Variants in PPM1H observed in about 807,000 individuals in gnomAD.
PPM1H encodes the protein protein phosphatase, Mg2+/Mn2+ dependent 1H.
In PPM1H, 27 loss-of-function variants were observed where a neutral mutation model predicts 54.9. That is an observed-to-expected ratio of 0.49 (90% CI 0.36 to 0.68). The LOEUF is 0.68. PPM1H is among the 30% of genes least tolerant of loss of function. PPM1H has a pLI of 0.00. For synonymous variants in PPM1H, 305 were observed against 270.8 expected, an observed-to-expected ratio of 1.13 and a Z score of -1.24; for missense variants, 596 against 667.8, an observed-to-expected ratio of 0.89 and a Z score of 1.19.
intron 8 of PPM1H, 106 bp from the exon 9 acceptor site, chr12:62,667,435 T>C (rs2075925901): frequency 2.0e-6 from 2 of 1,008,428 alleles, no homozygotes; most frequent in East Asian, 2.6e-5. Flanking sequence ...AGCCTAGTGG[T>C]TTTCAGATAT....
intron 1 of PPM1H, among the ~76,000 whole-genome samples, chr12:62,928,730 T>C (rs545287245): frequency 1.1e-4 from 17 of 152,328 alleles, no homozygotes; most frequent in African/African-American, 3.8e-4. Flanking sequence ...ACCTTTGATG[T>C]TACAAGTCTT....
At chr12:62,669,742 G>C (rs1380098051) in intron 8 of PPM1H, among the ~76,000 whole-genome samples, 4 of 151,946 alleles carry the variant, frequency 2.6e-5, no homozygotes, top group Non-Finnish European at 4.4e-5. Context: ...GACCAGCCTG[G>C]GCAACATAGT....
intron 3 of PPM1H, among the ~76,000 whole-genome samples, chr12:62,789,411 T>C (rs965262144): frequency 3.3e-5 from 5 of 152,232 alleles, no homozygotes; most frequent in East Asian, 1.9e-4. Context: ...CCATGACTTA[T>C]AGGGCAAAGA....
At chr12:62,854,284 C>T (rs977578283) in intron 1 of PPM1H, among the ~76,000 whole-genome samples, 5 of 152,216 alleles carry the variant, frequency 3.3e-5, no homozygotes, top group African/African-American at 1.2e-4. Flanking sequence ...GGCCACCCCA[C>T]CTGCACATAG....
Position 62,838,789 on chromosome 12 carries a change from C to T in PPM1H, c.246-6510G>A, listed in dbSNP as rs181334242. Among the ~76,000 whole-genome samples, 6 of 131,982 alleles carry T rather than the reference C, an allele frequency of 4.5e-5. 2 individuals carry two copies. The highest frequency in any genetic ancestry group is 5.0e-4 in the South Asian group (2 of 3,994). The allele number at this position is 131,982 out of a possible 152,430, so 86.6% of individuals were successfully genotyped here. A position where few individuals can be genotyped will look rare whatever the true frequency, so the allele number is the denominator to read the frequency against. ...ACAAAAAATTAGCCGGGCGTAGTGG[C>T]GGGCGCCTGTAGTCCCAGCTACTCG... On this transcript the variant is annotated intron_variant, in intron 1 of 9. Coordinates refer to ENST00000228705, the MANE Select transcript of PPM1H (RefSeq NM_020700.2).
intron 4 of PPM1H, among the ~76,000 whole-genome samples, chr12:62,772,577 T>C (rs965751788): frequency 2.6e-5 from 4 of 151,848 alleles, no homozygotes; most frequent in African/African-American, 9.7e-5. Context: ...GTCTGAGGGG[T>C]GAAGGTGAAC....
At chr12:62,677,300 T>C (rs559875427) in intron 8 of PPM1H, among the ~76,000 whole-genome samples, 3 of 152,202 alleles carry the variant, frequency 2.0e-5, no homozygotes, top group African/African-American at 4.8e-5. Flanking sequence ...ATGGCGGGAC[T>C]GAAAGAATTG....
intron 3 of PPM1H, among the ~76,000 whole-genome samples, chr12:62,797,824 T>A (rs2652027): frequency 1.3e-5 from 2 of 152,084 alleles, no homozygotes; most frequent in Non-Finnish European, 2.9e-5. Context: ...CTGAAATCTC[T>A]GATGACGCAA....
At chr12:62,866,163 T>C (rs1869768855) in intron 1 of PPM1H, among the ~76,000 whole-genome samples, 1 of 152,182 alleles carries the variant, frequency 6.6e-6, no homozygotes, top group East Asian at 1.9e-4. Flanking sequence ...TTTACTCTCT[T>C]CTTCCTGTGT....
At chr12:62,822,629 G>A (rs575112869) in intron 2 of PPM1H, among the ~76,000 whole-genome samples, 193 of 152,256 alleles carry the variant, frequency 1.3e-3, no homozygotes, top group African/African-American at 4.5e-3. Flanking sequence ...TGAACAACCT[G>A]CTCCTGAATG....
intron 1 of PPM1H, among the ~76,000 whole-genome samples, chr12:62,892,904 T>C (rs1020596095): frequency 6.6e-6 from 1 of 152,250 alleles, no homozygotes; most frequent in Non-Finnish European, 1.5e-5. Flanking sequence ...CATCTCTGTA[T>C]AGACATGCCA....
chr12:62,830,227 G>A lies in PPM1H; in HGVS notation c.411+1887C>T, dbSNP rs558896883. On this transcript the variant is annotated intron_variant, in intron 2 of 9. Transcript: ENST00000228705. ...CTTCTACCATTTGGTAGTTACTGCT[G>A]TTATTCCTTTATATTTTATTTATTT... 4.6e-5 allele frequency among the ~76,000 whole-genome samples: 7 copies of A among 152,230 alleles called. No individual in the cohort carries two copies. In the East Asian group the frequency reaches 1.4e-3, roughly 29 times the overall value.
chr12:62,901,052 A>G (rs1310107472), intron 1 of PPM1H, among the ~76,000 whole-genome samples: 1 of 152,236 alleles, frequency 6.6e-6, no homozygotes, highest in Non-Finnish European at 1.5e-5. Flanking sequence ...GAGAACTTGG[A>G]GAGTCATCCG....
At chr12:62,795,540 G>T (rs7132872) in intron 3 of PPM1H, among the ~76,000 whole-genome samples, 10,485 of 151,928 alleles carry the variant, frequency 0.069, 500 homozygotes, top group Middle Eastern at 0.11. Flanking sequence ...TCCGCCTCCC[G>T]GGTTCACACC....
chr12:62,802,051 A>C lies in PPM1H; in HGVS notation c.521T>G (p.Leu174Arg). Reference sequence around the variant, plus strand: ...CTTCAGGATGTCCACGATGTCCTGCAGCTGCTCCGTGATGTGGTGCTGCAG... The same window carrying C: ...CTTCAGGATGTCCACGATGTCCTGCCGCTGCTCCGTGATGTGGTGCTGCAG... ...RLLQHHITEQ[L>R]QDIVDILKNS... The change falls in exon 3 of 10, where the codon CTG becomes CGG. Residue 174 changes from leucine to arginine, a missense_variant. Leu to Arg is a moderately radical substitution (Grantham distance 102). Transcript: ENST00000228705. 2 of 1,613,390 alleles carry C rather than the reference A, an allele frequency of 1.2e-6. No individual in the cohort carries two copies. The highest frequency in any genetic ancestry group is 1.1e-5 in the South Asian group (1 of 91,068).
intron 2 of PPM1H, among the ~76,000 whole-genome samples, chr12:62,817,698 C>T (rs149207855): frequency 2.0e-4 from 31 of 152,172 alleles, no homozygotes; most frequent in Admixed American, 1.5e-3. Flanking sequence ...TTTCATGTTT[C>T]GGGGGTGAAA....
intron 8 of PPM1H, among the ~76,000 whole-genome samples, chr12:62,677,301 G>A (rs1390508412): frequency 3.9e-5 from 6 of 152,352 alleles, no homozygotes; most frequent in Admixed American, 3.9e-4. Flanking sequence ...TGGCGGGACT[G>A]AAAGAATTGT....
chr12:62,748,192 G>A (rs778771686), intron 4 of PPM1H, among the ~76,000 whole-genome samples: 6 of 151,482 alleles, frequency 4.0e-5, no homozygotes, highest in East Asian at 1.9e-4. Flanking sequence ...GCAGGGAGCC[G>A]AGATTGCGCC....
chr12:62,806,385 T>C (rs577513775), intron 2 of PPM1H, among the ~76,000 whole-genome samples: 1 of 152,254 alleles, frequency 6.6e-6, no homozygotes, highest in African/African-American at 2.4e-5. Context: ...GGCTCTGGAG[T>C]AGGCAGTAGA....
Sources: allele counts gnomAD v4.1 joint callset (sites outside exome capture counted in the v4.1 genomes callset), GRCh38; gene constraint gnomAD v4.1.1; transcripts MANE v1.5; gene names NCBI Gene and HGNC (gene_info 2026-07-23, HGNC 2026-07-21).